The following SEMA5B variants were observed in gnomAD, a reference collection of about 807,000 sequenced individuals.
The protein encoded by SEMA5B is semaphorin 5B, also known as semaphorin-5B.
In SEMA5B, 66 loss-of-function variants were observed where a neutral mutation model predicts 135.0. The ratio of observed to expected loss-of-function variants is 0.49; its 90% CI spans 0.40 to 0.60. The LOEUF is 0.60. Among genes scored for constraint, SEMA5B ranks in the 20% least tolerant of loss-of-function variants. The probability of loss-of-function intolerance (pLI) is 0.00; values close to 1 mark genes in which losing one functional copy is unlikely to be tolerated. For missense variants in SEMA5B, 1,501 were observed against 1,566.3 expected (o/e 0.96, Z 0.70); for synonymous variants, 690 against 639.5 (o/e 1.08, Z -1.19).
intron 19 of SEMA5B, 27 bp downstream of exon 19, chr3:122,912,145 C>G (rs748249238): frequency 6.3e-7 from 1 of 1,580,364 alleles, no homozygotes; most frequent in East Asian, 2.3e-5. Context: ...ATGTCGCTTC[C>G]CAGCCCTGGC....
At chr3:123,023,773 C>A (rs1465963318) in intron 1 of SEMA5B, among the ~76,000 whole-genome samples, 1 of 152,196 alleles carries the variant, frequency 6.6e-6, no homozygotes, top group Non-Finnish European at 1.5e-5. Context: ...TAATTGTGTA[C>A]CCTTAGTCAT....
Position 122,929,072 on chromosome 3 carries a change from A to G in SEMA5B, c.475-14T>C, listed in dbSNP as rs559025489. On this transcript the variant is annotated splice_polypyrimidine_tract_variant and intron_variant, in intron 5 of 22. Coordinates refer to ENST00000357599, the MANE Select transcript of SEMA5B (RefSeq NM_001031702.4). ...CCACTCTGTGGCCTGGGGGAGGAACATAGGAGCACACAGACATCACATGGC... is the reference window on the plus strand; with the variant it reads ...CCACTCTGTGGCCTGGGGGAGGAACGTAGGAGCACACAGACATCACATGGC... The G allele has an allele frequency of 2.9e-5, 47 of 1,610,074 alleles. No homozygotes were observed. The East Asian group carries it at 8.7e-4, about 30-fold the overall frequency.
chr3:123,008,425 A>G (rs1438313464), intron 1 of SEMA5B, among the ~76,000 whole-genome samples: 1 of 152,096 alleles, frequency 6.6e-6, no homozygotes, highest in African/African-American at 2.4e-5. Context: ...TTGTTAAAGG[A>G]TTATTTGAAG....
intron 1 of SEMA5B, among the ~76,000 whole-genome samples, chr3:122,996,007 C>T (rs1010400009): frequency 1.3e-5 from 2 of 152,232 alleles, no homozygotes; most frequent in Admixed American, 6.5e-5. Flanking sequence ...GGAGGTGCTC[C>T]GAACACCTCA....
intron 12 of SEMA5B, among the ~76,000 whole-genome samples, chr3:122,919,894 A>G (rs1938263500): frequency 6.6e-6 from 1 of 152,088 alleles, no homozygotes; most frequent in Non-Finnish European, 1.5e-5. Context: ...CAAGAGTGCA[A>G]TGGGCACACT....
intron 1 of SEMA5B, 126 bp from the exon 2 acceptor site, chr3:122,961,427 G>T: frequency 2.3e-6 from 2 of 869,966 alleles, no homozygotes; most frequent in East Asian, 2.8e-5. Flanking sequence ...TCTTGGTGCT[G>T]CTTTAACAAA....
chr3:122,910,042 G>T lies in SEMA5B; in HGVS notation c.*101C>A. ...CCACAGGCAAGGCAGCAAGTTCTTG[G>T]CCTAGTGCAGAGGGAGAAAACCAAA... On this transcript the variant is annotated 3_prime_UTR_variant, in exon 23 of 23. Transcript: ENST00000357599. 2 of 1,278,962 alleles carry T rather than the reference G, an allele frequency of 1.6e-6. No homozygotes were observed. Among genetic ancestry groups the T allele is most frequent in the Non-Finnish European group, 2.2e-6 (2 of 925,016 alleles). The allele number at this position is 1,278,962 out of a possible 1,614,324, so 79.2% of individuals were successfully genotyped here.
intron 1 of SEMA5B, among the ~76,000 whole-genome samples, chr3:122,963,492 CAAA>C (rs71136598): frequency 8.2e-6 from 1 of 121,748 alleles, no homozygotes; most frequent in African/African-American, 2.8e-5. Context: ...GTCTCTGACT[CAAA>C]AAAAAAAAAG....
In SEMA5B at chr3:122,911,527, G is replaced by A. The variant is rs969931080; in HGVS notation, c.3055C>T (p.Pro1019Ser). 2 of 1,610,142 alleles carry A rather than the reference G, an allele frequency of 1.2e-6. No individual in the cohort carries two copies. Among genetic ancestry groups the A allele is most frequent in the Non-Finnish European group, 1.7e-6 (2 of 1,179,016 alleles). The change falls in exon 21 of 23, where the codon CCA becomes TCA. Residue 1019 changes from proline (P) to serine (S), a missense_variant. Physicochemically the swap from Pro to Ser is moderately conservative, Grantham distance 74. Coordinates refer to ENST00000357599, the MANE Select transcript of SEMA5B (RefSeq NM_001031702.4). ...GTGGCCTCCTCCATGCTGGAGGCTGGCAGGATGACTGCAGGAAGACCAGTG... is the reference window on the plus strand; with the variant it reads ...GTGGCCTCCTCCATGCTGGAGGCTGACAGGATGACTGCAGGAAGACCAGTG... ...CPYSEIPVIL[P>S]ASSMEEATDC...
At chr3:122,998,914 A>T (rs1397071378) in intron 1 of SEMA5B, among the ~76,000 whole-genome samples, 1 of 152,244 alleles carries the variant, frequency 6.6e-6, no homozygotes, top group East Asian at 1.9e-4. Context: ...TTATTGACTT[A>T]TAGACTTTGA....
chr3:122,926,601 G>A lies in SEMA5B; in HGVS notation c.927C>T (p.Asp309=), dbSNP rs751461325. ...FFLRENAVEH[D]CGRTVYSRVA... The stretch of plus-strand genomic sequence containing the variant: ...CGCGAGAGTACACGGTGCGTCCACA[G>A]TCGTGCTCCACTGCGTTCTCCCGCA... The change falls in exon 9 of 23, where the codon GAC becomes GAT. Residue 309 remains aspartate (D), a synonymous_variant. Coordinates refer to ENST00000357599, the MANE Select transcript of SEMA5B (RefSeq NM_001031702.4). 6.2e-7 allele frequency: 1 copy of A among 1,614,260 alleles called. No homozygotes were observed. Among genetic ancestry groups the A allele is most frequent in the Non-Finnish European group, 8.5e-7 (1 of 1,180,050 alleles).
chr3:122,947,471 T>C (rs1051465519), intron 3 of SEMA5B, among the ~76,000 whole-genome samples: 1 of 152,070 alleles, frequency 6.6e-6, no homozygotes, highest in Non-Finnish European at 1.5e-5. Flanking sequence ...CTGGGTTCCA[T>C]CTTACCCCAC....
At chr3:122,956,230 T>C (rs961980056) in intron 2 of SEMA5B, among the ~76,000 whole-genome samples, 7 of 152,236 alleles carry the variant, frequency 4.6e-5, no homozygotes, top group Admixed American at 6.5e-5. Context: ...CCAGAGCTTC[T>C]CTTGCCTTCT....
Position 122,990,414 on chromosome 3 carries a change from T to C in SEMA5B, c.-38-29113A>G, listed in dbSNP as rs142396238. Among the ~76,000 whole-genome samples, 168 of 152,260 alleles carry C rather than the reference T, an allele frequency of 1.1e-3. 2 individuals are homozygous for C. The highest frequency in any genetic ancestry group is 3.9e-3 in the African/African-American group (163 of 41,546). On this transcript the variant is annotated intron_variant, in intron 1 of 22. Coordinates refer to ENST00000357599, the MANE Select transcript of SEMA5B (RefSeq NM_001031702.4). ...CAGACTCATGGGGCCAAAGGCCACA[T>C]GAGAGCCCAAGGAGAGGGTGTAGCA...
chr3:122,942,758 G>C (rs887203234), intron 4 of SEMA5B, among the ~76,000 whole-genome samples: 3 of 152,176 alleles, frequency 2.0e-5, no homozygotes, highest in Non-Finnish European at 4.4e-5. Context: ...GTCTGAGAAG[G>C]ACCCAAGAAT....
intron 1 of SEMA5B, among the ~76,000 whole-genome samples, chr3:122,984,612 C>T (rs1198003919): frequency 1.3e-5 from 2 of 152,160 alleles, no homozygotes; most frequent in East Asian, 3.8e-4. Context: ...ACAAAGGTTA[C>T]CCATTGGGTA....
Position 122,998,451 on chromosome 3 carries a change from T to C in SEMA5B, c.-39+29013A>G, listed in dbSNP as rs374799327. ...CTTCTCATCTGTTAAATGGGGAAGATAAAAGTTCCAGGCTTATCTATTTCA... is the reference window on the plus strand; with the variant it reads ...CTTCTCATCTGTTAAATGGGGAAGACAAAAGTTCCAGGCTTATCTATTTCA... On this transcript the variant is annotated intron_variant, in intron 1 of 22. Transcript: ENST00000357599. Among the ~76,000 whole-genome samples, 12 of 152,304 alleles carry C rather than the reference T, an allele frequency of 7.9e-5. 1 individual carries two copies. Among genetic ancestry groups the C allele is most frequent in the South Asian group, 2.1e-4 (1 of 4,830 alleles).
At chr3:122,932,996 A>G (rs1939061444) in intron 5 of SEMA5B, among the ~76,000 whole-genome samples, 1 of 152,144 alleles carries the variant, frequency 6.6e-6, no homozygotes, top group Non-Finnish European at 1.5e-5. Flanking sequence ...CTGGGATTCT[A>G]GGTGTAAGCC....
intron 1 of SEMA5B, among the ~76,000 whole-genome samples, chr3:122,962,517 G>A (rs539419490): frequency 4.0e-4 from 61 of 152,280 alleles, no homozygotes; most frequent in Non-Finnish European, 6.3e-4. Flanking sequence ...GGGAGATTGC[G>A]GGAAGAACTT....
Sources: gnomAD v4.1 joint callset for allele counts (sites outside exome capture counted in the v4.1 genomes callset) on GRCh38, gnomAD v4.1.1 for gene constraint, MANE v1.5 for transcripts, NCBI Gene and HGNC (gene_info 2026-07-23, HGNC 2026-07-21) for gene names.